SSH2: variants seen among roughly 807,000 people sequenced by gnomAD.
The protein encoded by SSH2 is slingshot protein phosphatase 2, also known as protein phosphatase Slingshot homolog 2.
SSH2 carries 37 observed loss-of-function variants against 135.2 expected under a neutral mutation model. That is an observed-to-expected ratio of 0.27 (90% CI 0.21 to 0.36). SSH2 has a LOEUF of 0.36. Ranked by LOEUF, SSH2 falls within the 10% of genes least tolerant of loss-of-function variation. The probability of loss-of-function intolerance (pLI) is 1.00; values close to 1 mark genes in which losing one functional copy is unlikely to be tolerated. For missense variants in SSH2, 1,408 were observed against 1,765.3 expected (o/e 0.80, Z 3.63); for synonymous variants, 628 against 646.2 (o/e 0.97, Z 0.43).
At chr17:29,834,090 C>T (rs558891207) in intron 2 of SSH2, among the ~76,000 whole-genome samples, 40 of 151,270 alleles carry the variant, frequency 2.6e-4, no homozygotes, top group Middle Eastern at 3.4e-3. Flanking sequence ...TCTTGTAACC[C>T]GTTATTTTAA....
intron 1 of SSH2, among the ~76,000 whole-genome samples, chr17:29,853,005 G>A (rs1053847864): frequency 4.0e-5 from 6 of 151,444 alleles, no homozygotes; most frequent in African/African-American, 1.2e-4. Flanking sequence ...GCTAAAAAGC[G>A]TTTGACAAAA....
chr17:29,891,201 G>T (rs1170649025), intron 1 of SSH2, among the ~76,000 whole-genome samples: 1 of 152,176 alleles, frequency 6.6e-6, no homozygotes, highest in Non-Finnish European at 1.5e-5. Flanking sequence ...CCCTGCACCA[G>T]TACTTTTCAT....
intron 2 of SSH2, among the ~76,000 whole-genome samples, chr17:29,818,666 G>C (rs962473823): frequency 3.2e-4 from 48 of 152,140 alleles, no homozygotes; most frequent in Non-Finnish European, 2.1e-4. Context: ...CTGATAGGAA[G>C]CCCCCTCCTT....
intron 13 of SSH2, among the ~76,000 whole-genome samples, chr17:29,649,758 T>C (rs2036519356): frequency 6.6e-6 from 1 of 152,140 alleles, no homozygotes; most frequent in Non-Finnish European, 1.5e-5. Flanking sequence ...ATGCCATGAA[T>C]GGTATTATTA....
intron 1 of SSH2, chr17:29,863,437 C>T (rs2065800151): frequency 6.6e-6 from 1 of 152,190 alleles, no homozygotes; most frequent in African/African-American, 2.4e-5. Flanking sequence ...GGCTTGAGGA[C>T]AAGTCTGCTG....
chr17:29,747,743 T>C (rs889504601), intron 3 of SSH2, among the ~76,000 whole-genome samples: 1 of 152,224 alleles, frequency 6.6e-6, no homozygotes, highest in Non-Finnish European at 1.5e-5. Context: ...AATTGTGTGA[T>C]AACATCTACA....
intron 2 of SSH2, among the ~76,000 whole-genome samples, chr17:29,843,919 G>C (rs1231643876): frequency 6.6e-6 from 1 of 152,110 alleles, no homozygotes; most frequent in Non-Finnish European, 1.5e-5. Context: ...TTATCAACAA[G>C]GATATTGTAT....
chr17:29,646,561 G>A (rs867739516), intron 14 of SSH2, among the ~76,000 whole-genome samples: 2 of 152,038 alleles, frequency 1.3e-5, no homozygotes, highest in South Asian at 2.1e-4. Flanking sequence ...GTGCAGTGGC[G>A]CGATCTCAAC....
chr17:29,846,961 C>A (rs1431073276), intron 2 of SSH2, among the ~76,000 whole-genome samples: 1 of 152,106 alleles, frequency 6.6e-6, no homozygotes, highest in East Asian at 1.9e-4. Flanking sequence ...ACAATCAAAT[C>A]TGTAAAAAAC....
intron 1 of SSH2, among the ~76,000 whole-genome samples, chr17:29,911,215 CATG>C (rs912775911): frequency 6.6e-6 from 1 of 152,170 alleles, no homozygotes; most frequent in African/African-American, 2.4e-5. Flanking sequence ...TTTTAGTGCA[CATG>C]ATCTTACCTG....
intron 3 of SSH2, among the ~76,000 whole-genome samples, chr17:29,722,469 C>A (rs765450914): frequency 6.6e-6 from 1 of 151,994 alleles, no homozygotes; most frequent in Non-Finnish European, 1.5e-5. Context: ...CTGCAATGTC[C>A]TTTGAGTAAC....
chr17:29,747,950 A>T (rs1231279950), intron 3 of SSH2, among the ~76,000 whole-genome samples: 1 of 152,226 alleles, frequency 6.6e-6, no homozygotes, highest in Non-Finnish European at 1.5e-5. Context: ...AGTGTTTATC[A>T]GTGTTAAGTC....
At chr17:29,888,389 A>C (rs1372550471) in intron 1 of SSH2, among the ~76,000 whole-genome samples, 1 of 152,174 alleles carries the variant, frequency 6.6e-6, no homozygotes, top group East Asian at 1.9e-4. Flanking sequence ...TTGGAAAGAG[A>C]TTTGGAGAGA....
chr17:29,696,908 TC>T (rs1036332963), intron 4 of SSH2, among the ~76,000 whole-genome samples: 1 of 151,886 alleles, frequency 6.6e-6, no homozygotes, highest in African/African-American at 2.4e-5. Context: ...ATGGTCTTGA[TC>T]TCCTGACCTT....
In SSH2 at chr17:29,632,282, G is replaced by A. The variant is rs750795808; in HGVS notation, c.2912C>T (p.Ser971Leu). The A allele has an allele frequency of 1.3e-5, 21 of 1,613,982 alleles. No homozygotes were observed. The East Asian group carries it at 2.5e-4, about 19-fold the overall frequency. The change falls in exon 16 of 16, where the codon TCA becomes TTA. Residue 971 changes from serine to leucine, a missense_variant. Ser to Leu is a moderately radical substitution (Grantham distance 145, BLOSUM62 -2). This residue lies in a region of SSH2 where 1,080 missense variants were observed against 1,144.5 expected (regional missense o/e 0.94). Coordinates refer to ENST00000540801, the MANE Select transcript of SSH2 (RefSeq NM_001282129.2). ...GGCATTCTGCTCAGAATGGGACAGT[G>A]AGCCAGCCTCAGACCCACTGTATTT... The part of the protein sequence containing the change: ...KGKYSGSEAG[S>L]LSHSEQNATV...
At chr17:29,859,124 C>T (rs767579329) in intron 1 of SSH2, among the ~76,000 whole-genome samples, 5 of 152,094 alleles carry the variant, frequency 3.3e-5, no homozygotes, top group Admixed American at 1.3e-4. Context: ...GTAGCCCTAA[C>T]TATTTTTAGG....
chr17:29,660,524 C>T (rs2036988129), intron 11 of SSH2, among the ~76,000 whole-genome samples: 1 of 152,138 alleles, frequency 6.6e-6, no homozygotes, highest in East Asian at 1.9e-4. Flanking sequence ...TTCAGCCTCC[C>T]AAAGTGTTGG....
chr17:29,848,114 G>A (rs942806970), intron 2 of SSH2, among the ~76,000 whole-genome samples: 1 of 152,118 alleles, frequency 6.6e-6, no homozygotes, highest in African/African-American at 2.4e-5. Context: ...GCCCCAGTTT[G>A]GGGGATTATC....
intron 14 of SSH2, among the ~76,000 whole-genome samples, chr17:29,642,643 C>T (rs770447041): frequency 9.9e-5 from 15 of 151,226 alleles, no homozygotes; most frequent in Non-Finnish European, 1.9e-4. Context: ...GATATAAATG[C>T]TATAAGTAGC....
Sources: allele counts gnomAD v4.1 joint callset (sites outside exome capture counted in the v4.1 genomes callset), GRCh38; gene constraint gnomAD v4.1.1; regional missense constraint gnomAD v4.1.1; transcripts MANE v1.5; gene names NCBI Gene and HGNC (gene_info 2026-07-23, HGNC 2026-07-21).